ENKUR: variants seen among roughly 807,000 people sequenced by gnomAD.
The protein encoded by ENKUR is enkurin, TRPC channel interacting protein.
Under a neutral mutation model 27.6 loss-of-function variants are expected in ENKUR, and 19 were observed. The observed-to-expected ratio is 0.69, with a 90% CI of 0.48 to 1.01. The LOEUF (loss-of-function observed/expected upper bound fraction) is 1.01, where lower values mean the gene tolerates loss of function less well. Ranked by LOEUF, ENKUR falls within the 50% of genes least tolerant of loss-of-function variation. The pLI is 0.00. For missense variants in ENKUR, 312 were observed against 310.5 expected, an observed-to-expected ratio of 1.00 and a Z score of -0.04; for synonymous variants, 117 against 96.9, an observed-to-expected ratio of 1.21 and a Z score of -1.22.
intron 3 of ENKUR, among the ~76,000 whole-genome samples, chr10:24,993,547 G>T (rs1849974337): frequency 6.6e-6 from 1 of 152,182 alleles, no homozygotes. Context: ...ACTTGGAGCT[G>T]AAATGGGAGT....
At chr10:25,016,987 G>GGGCCCGC (rs1438951413), upstream of ENKUR, among the ~76,000 whole-genome samples, 6 of 152,246 alleles carry the variant, frequency 3.9e-5, no homozygotes, top group East Asian at 1.9e-4. Context: ...TGCGCGCACG[G>GGGCCCGC]GGCCCGCGGC....
intron 2 of ENKUR, among the ~76,000 whole-genome samples, chr10:25,046,160 C>T (rs957858025): frequency 1.3e-5 from 2 of 152,150 alleles, no homozygotes; most frequent in Non-Finnish European, 1.5e-5. Context: ...ATTATTATAA[C>T]TCAATCTGGC....
intron 2 of ENKUR, among the ~76,000 whole-genome samples, chr10:25,054,031 G>GTTA (rs1351950973): frequency 3.9e-5 from 6 of 152,174 alleles, no homozygotes; most frequent in African/African-American, 1.4e-4. Flanking sequence ...GTAACTCCAA[G>GTTA]CCACACATAT....
At chr10:24,998,358 CCTCTCTCT>C (rs34059986) in intron 2 of ENKUR, among the ~76,000 whole-genome samples, 8 of 117,306 alleles carry the variant, frequency 6.8e-5, no homozygotes, top group East Asian at 2.6e-4. Context: ...TTCCTTCCTT[CCTCTCTCT>C]CTCTCTCTCT....
At chr10:25,004,839 C>T (rs1202370463) in intron 1 of ENKUR, among the ~76,000 whole-genome samples, 1 of 152,130 alleles carries the variant, frequency 6.6e-6, no homozygotes, top group African/African-American at 2.4e-5. Context: ...TTTGCCCGTG[C>T]CTATGTCCTG....
chr10:24,992,688 A>G (rs978486749), intron 3 of ENKUR, among the ~76,000 whole-genome samples: 1 of 152,234 alleles, frequency 6.6e-6, no homozygotes, highest in African/African-American at 2.4e-5. Context: ...AAAGCAAACA[A>G]TAACACTTTG....
intron 2 of ENKUR, chr10:25,025,349 TAG>T (rs139207606): frequency 6.2e-7 from 1 of 1,614,200 alleles, no homozygotes; most frequent in East Asian, 2.2e-5. Context: ...GAGGCTTTAT[TAG>T]AGAGAACAAA....
chr10:25,021,205 G>A (rs1016771295), intron 2 of ENKUR, among the ~76,000 whole-genome samples: 3 of 152,238 alleles, frequency 2.0e-5, no homozygotes, highest in South Asian at 2.1e-4. Context: ...TAATCTTACT[G>A]TAAATATTTT....
intron 2 of ENKUR, among the ~76,000 whole-genome samples, chr10:25,034,024 C>A (rs1477160115): frequency 6.6e-6 from 1 of 151,454 alleles, no homozygotes; most frequent in African/African-American, 2.4e-5. Flanking sequence ...AAGGAAAATA[C>A]CAACAAACAT....
upstream of ENKUR, chr10:25,016,653 A>G (rs1850585784): frequency 6.6e-6 from 1 of 152,488 alleles, no homozygotes; most frequent in African/African-American, 2.4e-5. Context: ...ACAGGCGCAG[A>G]GTCCACTGCG....
intron 2 of ENKUR, among the ~76,000 whole-genome samples, chr10:25,052,221 A>C (rs542772748): frequency 6.6e-6 from 1 of 152,182 alleles, no homozygotes; most frequent in Non-Finnish European, 1.5e-5. Flanking sequence ...CAATTTGATA[A>C]GACAAAGCAA....
chr10:25,022,669 A>G (rs1286027594), intron 2 of ENKUR, among the ~76,000 whole-genome samples: 2 of 152,202 alleles, frequency 1.3e-5, no homozygotes, highest in African/African-American at 4.8e-5. Context: ...TATGAGTAAT[A>G]TAGTCTGTCA....
intron 4 of ENKUR, among the ~76,000 whole-genome samples, chr10:24,985,575 ACAG>A (rs1180341990): frequency 4.5e-4 from 68 of 152,372 alleles, no homozygotes; most frequent in African/African-American, 1.6e-3. Flanking sequence ...AATGTAGCTA[ACAG>A]TTTCTATTCT....
chr10:25,035,618 C>T (rs1850999157), intron 2 of ENKUR, among the ~76,000 whole-genome samples: 1 of 151,766 alleles, frequency 6.6e-6, no homozygotes, highest in Non-Finnish European at 1.5e-5. Context: ...TTTCCAGTGA[C>T]CAGAGATTTG....
At chr10:25,033,841 A>G (rs1262907102) in intron 2 of ENKUR, among the ~76,000 whole-genome samples, 4 of 87,002 alleles carry the variant, frequency 4.6e-5, no homozygotes, top group East Asian at 7.7e-4. Context: ...CTATCTATCT[A>G]TCTATCTATC....
chr10:25,023,697 A>G, intron 2 of ENKUR: 4 of 1,614,016 alleles, frequency 2.5e-6, no homozygotes, highest in Non-Finnish European at 3.4e-6. Flanking sequence ...ATGTACCTCT[A>G]CTAGATCTAA....
chr10:25,056,160 TGATAGAGTCG>T (rs1448126656), intron 2 of ENKUR, among the ~76,000 whole-genome samples: 1 of 152,202 alleles, frequency 6.6e-6, no homozygotes, highest in Non-Finnish European at 1.5e-5. Flanking sequence ...ACCCTGTTAG[TGATAGAGTCG>T]GAATTTGAAT....
At position 25,016,112 on chromosome 10, in the gene ENKUR, A is replaced by G. The variant is rs753903394; in HGVS notation, c.-176T>C. Reference sequence around the variant, plus strand: ...CCCCTCTTAGCAGTCCTCTCTCGGGAAGAAAACACCCTATTTCTCTCCGGA... The same window carrying G: ...CCCCTCTTAGCAGTCCTCTCTCGGGGAGAAAACACCCTATTTCTCTCCGGA... On this transcript the variant is annotated 5_prime_UTR_variant, in exon 1 of 6. Coordinates refer to ENST00000331161, the MANE Select transcript of ENKUR (RefSeq NM_145010.4). The G allele has an allele frequency of 3.3e-4, 425 of 1,283,396 alleles. No homozygotes were observed. The highest frequency in any genetic ancestry group is 4.0e-4 in the Non-Finnish European group (401 of 1,013,274). 79.5% of individuals were successfully genotyped at this position (1,283,396 alleles called of 1,614,324 possible). A position where few individuals can be genotyped will look rare whatever the true frequency, so the allele number is the denominator to read the frequency against.
chr10:25,024,947 A>T (rs565199033), intron 2 of ENKUR: 3 of 1,614,120 alleles, frequency 1.9e-6, no homozygotes, highest in Non-Finnish European at 2.5e-6. Context: ...CTAGAACGAC[A>T]TTTACACTTG....
Sources: allele counts gnomAD v4.1 joint callset (sites outside exome capture counted in the v4.1 genomes callset), GRCh38; gene constraint gnomAD v4.1.1; transcripts MANE v1.5; gene names NCBI Gene and HGNC (gene_info 2026-07-23, HGNC 2026-07-21).